The following EPB41 variants were observed in gnomAD, a reference collection of about 807,000 sequenced individuals.
EPB41 encodes erythrocyte membrane protein band 4.1, also known as protein 4.1.
A neutral mutation model predicts 108.0 loss-of-function variants in EPB41; 65 were observed. That is an observed-to-expected ratio of 0.60 (90% CI 0.49 to 0.74). The LOEUF (loss-of-function observed/expected upper bound fraction) is 0.74. Ranked by LOEUF, EPB41 falls within the 30% of genes least tolerant of loss-of-function variation. EPB41 has a pLI of 0.00. For missense variants in EPB41, 875 were observed against 1,037.0 expected, an observed-to-expected ratio of 0.84 and a Z score of 2.15; for synonymous variants, 336 against 358.9, an observed-to-expected ratio of 0.94 and a Z score of 0.72.
chr1:29,022,502 C>T (rs2096659160), intron 7 of EPB41, among the ~76,000 whole-genome samples: 1 of 151,956 alleles, frequency 6.6e-6, no homozygotes, highest in Non-Finnish European at 1.5e-5. Context: ...GCAGGCGGAT[C>T]ACAAGGTCAG....
chr1:29,109,828 G>A, intron 18 of EPB41: 1 of 331,328 alleles, frequency 3.0e-6, no homozygotes, highest in South Asian at 2.6e-5. Context: ...GAGATCAGGA[G>A]TACGAGACTA....
chr1:29,092,370 G>C (rs1661575709), intron 16 of EPB41, among the ~76,000 whole-genome samples: 1 of 151,728 alleles, frequency 6.6e-6, no homozygotes, highest in Non-Finnish European at 1.5e-5. Context: ...GGGATTACAG[G>C]CGTGAGCCAC....
At chr1:28,929,247 A>C (rs1215191561) in intron 1 of EPB41, among the ~76,000 whole-genome samples, 5 of 147,392 alleles carry the variant, frequency 3.4e-5, no homozygotes, top group Non-Finnish European at 5.9e-5. Context: ...TTTTTTTGAG[A>C]CAGAGTCTTG....
intron 5 of EPB41, among the ~76,000 whole-genome samples, chr1:29,012,577 TC>T (rs2096521615): frequency 6.6e-6 from 1 of 152,224 alleles, no homozygotes; most frequent in Non-Finnish European, 1.5e-5. Context: ...ATTTTGCAGT[TC>T]CAGGCCCAAT....
intron 1 of EPB41, among the ~76,000 whole-genome samples, chr1:28,977,952 T>TCC (rs1557886826): frequency 8.0e-4 from 116 of 145,886 alleles, no homozygotes; most frequent in Middle Eastern, 3.6e-3. Flanking sequence ...TCATTTTATA[T>TCC]TCTCTTTTTT....
intron 4 of EPB41, 126 bp from the exon 5 acceptor site, chr1:29,011,739 G>C: frequency 2.9e-6 from 3 of 1,029,342 alleles, no homozygotes; most frequent in South Asian, 3.2e-5. Context: ...TTAATGCAAA[G>C]ACTATCAAAG....
At chr1:28,981,913 A>G (rs1462133866) in intron 1 of EPB41, among the ~76,000 whole-genome samples, 1 of 149,690 alleles carries the variant, frequency 6.7e-6, no homozygotes, top group Non-Finnish European at 1.5e-5. Context: ...TTATTATTAT[A>G]CTTTAAGTTT....
intron 16 of EPB41, chr1:29,070,246 G>C: frequency 1.3e-6 from 1 of 792,600 alleles, no homozygotes; most frequent in Non-Finnish European, 1.7e-6. Flanking sequence ...AAAATGAAGA[G>C]TGTCTAAAAG....
intron 1 of EPB41, among the ~76,000 whole-genome samples, chr1:28,959,914 G>A (rs2149111983): frequency 6.6e-6 from 1 of 151,402 alleles, no homozygotes; most frequent in South Asian, 2.1e-4. Context: ...TTGGCCTCAA[G>A]TGATCTGCCT....
chr1:29,108,148 CTTTT>C (rs544874657), intron 17 of EPB41, among the ~76,000 whole-genome samples: 59 of 129,140 alleles, frequency 4.6e-4, no homozygotes, highest in African/African-American at 1.5e-3. Context: ...CCTCTTATTT[CTTTT>C]TTTTTTTTTT....
At chr1:28,982,540 A>T in intron 1 of EPB41, 1 of 1,260,080 alleles carries the variant, frequency 7.9e-7, no homozygotes, top group Non-Finnish European at 1.2e-6. Context: ...CTTCACGATG[A>T]CGGCTTTGCA....
intron 11 of EPB41, among the ~76,000 whole-genome samples, chr1:29,048,063 C>T (rs1325873139): frequency 2.6e-5 from 4 of 152,056 alleles, no homozygotes; most frequent in Admixed American, 2.0e-4. Context: ...GGATTACGGG[C>T]GTGAGTGAGC....
chr1:28,926,315 A>C (rs569899216), intron 1 of EPB41, among the ~76,000 whole-genome samples: 1 of 152,334 alleles, frequency 6.6e-6, no homozygotes, highest in South Asian at 2.1e-4. Context: ...TTTTAAGGTT[A>C]TTTTGATGAT....
chr1:29,110,425 C>A (rs1431748383), intron 18 of EPB41, among the ~76,000 whole-genome samples: 1 of 152,176 alleles, frequency 6.6e-6, no homozygotes, highest in Non-Finnish European at 1.5e-5. Flanking sequence ...CCATATTTTC[C>A]AAGCCCAAAA....
At chr1:29,087,788 T>C (rs1432343022) in intron 16 of EPB41, among the ~76,000 whole-genome samples, 1 of 152,168 alleles carries the variant, frequency 6.6e-6, no homozygotes, top group Non-Finnish European at 1.5e-5. Context: ...AAATAGTTTT[T>C]GAGAGAAAGC....
At chr1:29,024,741 C>T (rs1003983503) in intron 7 of EPB41, among the ~76,000 whole-genome samples, 6 of 151,996 alleles carry the variant, frequency 3.9e-5, no homozygotes, top group Admixed American at 2.0e-4. Context: ...TAGTTTTAAC[C>T]TTTATCAGAA....
At chr1:28,967,810 C>CTTTTTTTTTTTTTTTT in intron 1 of EPB41, among the ~76,000 whole-genome samples, 1 of 121,172 alleles carries the variant, frequency 8.3e-6, no homozygotes, top group Non-Finnish European at 1.8e-5. Flanking sequence ...TGGGCCTTGT[C>CTTTTTTTTTTTTTTTT]TTTTTTTTTT....
intron 16 of EPB41, chr1:29,070,802 C>A: frequency 1.1e-6 from 1 of 884,024 alleles, no homozygotes; most frequent in Non-Finnish European, 1.5e-6. Flanking sequence ...AAAGGAGTAG[C>A]AATGGACTGC....
At chr1:28,924,777 T>C (rs2093344398) in intron 1 of EPB41, among the ~76,000 whole-genome samples, 2 of 152,126 alleles carry the variant, frequency 1.3e-5, no homozygotes, top group African/African-American at 2.4e-5. Flanking sequence ...GTGAATAAAA[T>C]AGAGGTATCT....
Sources: allele counts gnomAD v4.1 joint callset (sites outside exome capture counted in the v4.1 genomes callset), GRCh38; gene constraint gnomAD v4.1.1; transcripts MANE v1.5; gene names NCBI Gene and HGNC (gene_info 2026-07-23, HGNC 2026-07-21).